The following GUCY1A2 variants were observed in gnomAD, a reference collection of about 807,000 sequenced individuals.
GUCY1A2 encodes guanylate cyclase 1 soluble subunit alpha 2, also known as guanylate cyclase soluble subunit alpha-2.
Under a neutral mutation model 63.5 loss-of-function variants are expected in GUCY1A2, and 27 were observed. The observed-to-expected ratio is 0.43, with a 90% CI of 0.31 to 0.59. The LOEUF is 0.59. GUCY1A2 is among the 20% of genes least tolerant of loss of function. The probability of loss-of-function intolerance (pLI) is 0.11; values close to 1 mark genes in which losing one functional copy is unlikely to be tolerated. For synonymous variants in GUCY1A2, 364 were observed against 343.5 expected, an observed-to-expected ratio of 1.06 and a Z score of -0.66; for missense variants, 768 against 913.3, an observed-to-expected ratio of 0.84 and a Z score of 2.05.
intron 5 of GUCY1A2, among the ~76,000 whole-genome samples, chr11:106,798,479 C>A (rs1864809331): frequency 6.6e-6 from 1 of 152,124 alleles, no homozygotes; most frequent in Non-Finnish European, 1.5e-5. Flanking sequence ...AATTTTAGAC[C>A]AATATCCTTG....
chr11:106,777,278 C>A (rs1864373925), intron 5 of GUCY1A2, among the ~76,000 whole-genome samples: 1 of 152,116 alleles, frequency 6.6e-6, no homozygotes, highest in African/African-American at 2.4e-5. Context: ...AAAACCCCAT[C>A]TCTACTGAAA....
At chr11:106,814,718 A>G (rs1383944091) in intron 4 of GUCY1A2, among the ~76,000 whole-genome samples, 5 of 151,944 alleles carry the variant, frequency 3.3e-5, no homozygotes, top group African/African-American at 7.3e-5. Context: ...GCACCACATA[A>G]CCTCTGAAAA....
In GUCY1A2 at chr11:106,744,955, T is replaced by A. The variant is rs572808245; in HGVS notation, c.1836+31484A>T. 3.8e-3 allele frequency among the ~76,000 whole-genome samples: 576 copies of A among 152,172 alleles called. 2 individuals carry two copies. The highest frequency in any genetic ancestry group is 0.013 in the African/African-American group (526 of 41,540). On this transcript the variant is annotated intron_variant, in intron 6 of 7. Coordinates refer to ENST00000526355, the MANE Select transcript of GUCY1A2 (RefSeq NM_000855.3). ...CTGCCTCATCAAATATTTTGAATTT[T>A]AAAAAAAATCTTGTGAGTGTAAACT...
chr11:106,710,277 T>TTA (rs59801975), intron 6 of GUCY1A2, among the ~76,000 whole-genome samples: 113 of 208 alleles, frequency 0.54, 44 homozygotes, highest in South Asian at 1. Flanking sequence ...TATAATATAG[T>TTA]TATATATATA....
intron 7 of GUCY1A2, among the ~76,000 whole-genome samples, chr11:106,699,662 A>G (rs368515030): frequency 8.5e-5 from 13 of 152,380 alleles, no homozygotes; most frequent in African/African-American, 3.1e-4. Flanking sequence ...CTAGTTAGGA[A>G]TGGGACCTAA....
chr11:106,869,069 A>C (rs1163733934), intron 4 of GUCY1A2, among the ~76,000 whole-genome samples: 1 of 152,186 alleles, frequency 6.6e-6, no homozygotes, highest in Non-Finnish European at 1.5e-5. Flanking sequence ...AGAAAGCTGA[A>C]ACTGGATCCC....
chr11:106,794,892 T>C (rs949239643), intron 5 of GUCY1A2, among the ~76,000 whole-genome samples: 2 of 152,192 alleles, frequency 1.3e-5, no homozygotes, highest in Non-Finnish European at 2.9e-5. Context: ...CCTTCTTTCA[T>C]AGCAAATTCC....
intron 4 of GUCY1A2, chr11:106,826,434 A>G (rs909355167): frequency 2.5e-5 from 40 of 1,571,194 alleles, no homozygotes; most frequent in African/African-American, 5.4e-5. Flanking sequence ...GATCTAGCAG[A>G]TCTTCTCCAT....
chr11:106,729,158 C>A (rs1177514176), intron 6 of GUCY1A2, among the ~76,000 whole-genome samples: 1 of 152,118 alleles, frequency 6.6e-6, no homozygotes, highest in African/African-American at 2.4e-5. Context: ...CATACTGCCA[C>A]AAATTCATTT....
intron 3 of GUCY1A2, among the ~76,000 whole-genome samples, chr11:106,950,525 G>T (rs149991018): frequency 6.6e-6 from 1 of 152,320 alleles, no homozygotes; most frequent in Non-Finnish European, 1.5e-5. Flanking sequence ...TCTCCCTGCA[G>T]ATAAGTATTC....
chr11:106,687,366 C>T lies in GUCY1A2; in HGVS notation c.*183G>A, dbSNP rs377517647. On this transcript the variant is annotated 3_prime_UTR_variant, in exon 8 of 8. Transcript: ENST00000526355. ...GACACATCTTATTTCCCTCATCCTC[C>T]GGCTTTTTATTGACAGCGGTCACCT... is the stretch of plus-strand genomic sequence containing the variant. 37 of 595,862 alleles carry T rather than the reference C, an allele frequency of 6.2e-5. No individual in the cohort carries two copies. Among genetic ancestry groups the T allele is most frequent in the Admixed American group, 4.4e-4 (15 of 34,014 alleles). The allele number at this position is 595,862 out of a possible 1,614,324, so 36.9% of individuals were successfully genotyped here.
intron 3 of GUCY1A2, among the ~76,000 whole-genome samples, chr11:106,966,108 T>C (rs1861123743): frequency 6.6e-6 from 1 of 151,946 alleles, no homozygotes; most frequent in Non-Finnish European, 1.5e-5. Context: ...TTTCTTCTCT[T>C]TTCTTTTTTG....
chr11:106,913,986 C>CAAAAAAAAAAAAAAAAAAAAAA (rs11325847), intron 4 of GUCY1A2, among the ~76,000 whole-genome samples: 3 of 71,230 alleles, frequency 4.2e-5, no homozygotes, highest in Non-Finnish European at 3.2e-5. Context: ...AATGAAAAAG[C>CAAAAAAAAAAAAAAAAAAAAAA]AAAAAAAAAA....
At chr11:106,959,169 C>T (rs964435313) in intron 3 of GUCY1A2, among the ~76,000 whole-genome samples, 6 of 152,122 alleles carry the variant, frequency 3.9e-5, no homozygotes, top group African/African-American at 1.4e-4. Context: ...CTAACATATT[C>T]CACAAATAAA....
At chr11:106,812,014 A>C (rs1858768306) in intron 4 of GUCY1A2, among the ~76,000 whole-genome samples, 1 of 151,990 alleles carries the variant, frequency 6.6e-6, no homozygotes, top group Non-Finnish European at 1.5e-5. Context: ...TAAAAAGAAA[A>C]TAATTGTCCT....
intron 1 of GUCY1A2, among the ~76,000 whole-genome samples, chr11:106,992,288 AAAAGT>A (rs980488643): frequency 3.9e-5 from 6 of 151,930 alleles, no homozygotes; most frequent in African/African-American, 1.5e-4. Flanking sequence ...TCACGTGACG[AAAAGT>A]AAAGAAACCC....
chr11:106,820,373 C>T (rs1858885590), intron 4 of GUCY1A2, among the ~76,000 whole-genome samples: 1 of 152,102 alleles, frequency 6.6e-6, no homozygotes, highest in African/African-American at 2.4e-5. Flanking sequence ...AGTGAGCAGC[C>T]AGTACTAGGC....
intron 4 of GUCY1A2, among the ~76,000 whole-genome samples, chr11:106,830,803 A>G (rs1859040511): frequency 1.3e-5 from 2 of 152,176 alleles, no homozygotes; most frequent in South Asian, 4.1e-4. Flanking sequence ...TGACTAGTAC[A>G]ATGAAGTTTA....
chr11:106,931,751 T>C (rs935662093), intron 4 of GUCY1A2, among the ~76,000 whole-genome samples: 4 of 152,154 alleles, frequency 2.6e-5, no homozygotes, highest in Non-Finnish European at 5.9e-5. Flanking sequence ...AATTGTATGA[T>C]GACATTTGTA....
Sources: allele counts gnomAD v4.1 joint callset (sites outside exome capture counted in the v4.1 genomes callset), GRCh38; gene constraint gnomAD v4.1.1; transcripts MANE v1.5; gene names NCBI Gene and HGNC (gene_info 2026-07-23, HGNC 2026-07-21).